The following DOCK1 variants were observed in gnomAD, a reference collection of about 807,000 sequenced individuals.
DOCK1 encodes the protein dedicator of cytokinesis protein 1.
A neutral mutation model predicts 262.7 loss-of-function variants in DOCK1; 138 were observed. The ratio of observed to expected loss-of-function variants is 0.53; its 90% CI spans 0.46 to 0.61. The LOEUF (loss-of-function observed/expected upper bound fraction) is 0.61, where lower values mean the gene tolerates loss of function less well. Ranked by LOEUF, DOCK1 falls within the 20% of genes least tolerant of loss-of-function variation. DOCK1 has a pLI of 0.00. For synonymous variants in DOCK1, 866 were observed against 867.4 expected (o/e 1.00, Z 0.03); for missense variants, 1,908 against 2,370.7 (o/e 0.80, Z 4.05).
chr10:127,394,511 A>G (rs961640149), intron 38 of DOCK1, among the ~76,000 whole-genome samples: 9 of 152,186 alleles, frequency 5.9e-5, no homozygotes, highest in Admixed American at 5.2e-4. Flanking sequence ...CACAGTTGTT[A>G]TTAAGAGGGA....
At chr10:127,280,027 T>TATATATATATAG (rs2135266463) in intron 29 of DOCK1, among the ~76,000 whole-genome samples, 1 of 142,336 alleles carries the variant, frequency 7.0e-6, no homozygotes, top group East Asian at 2.0e-4. Flanking sequence ...TATATATATA[T>TATATATATATAG]ATATATAATT....
At chr10:127,034,253 A>C (rs1352252919) in intron 18 of DOCK1, among the ~76,000 whole-genome samples, 1 of 152,200 alleles carries the variant, frequency 6.6e-6, no homozygotes. Flanking sequence ...GGTGGAAGGC[A>C]AGGAGGAGCA....
intron 27 of DOCK1, among the ~76,000 whole-genome samples, chr10:127,228,642 G>T (rs955277900): frequency 1.3e-5 from 2 of 152,148 alleles, no homozygotes; most frequent in African/African-American, 4.8e-5. Context: ...TTGCATGCTG[G>T]AGCAGAACCT....
rs1177759434 is a variant in DOCK1 at position 127,100,412 on chromosome 10, C to G, written c.2446-5819C>G. 1.3e-5 allele frequency among the ~76,000 whole-genome samples: 2 copies of G among 152,144 alleles called. No individual in the cohort carries two copies. Among genetic ancestry groups the G allele is most frequent in the Non-Finnish European group, 2.9e-5 (2 of 68,026 alleles). On this transcript the variant is annotated intron_variant, in intron 23 of 51. Coordinates refer to ENST00000623213, the MANE Select transcript of DOCK1 (RefSeq NM_001290223.2). The surrounding 1 kb of genome is among the most constrained non-coding windows in gnomAD (Gnocchi z 5.5). ...GCAGCTGGGGCTTGGCGGTGCAGCG[C>G]CTGGCACTGGAATCCCTAGGGAAGG... is the stretch of plus-strand genomic sequence containing the variant.
chr10:126,914,592 C>G (rs1349712210), intron 1 of DOCK1, among the ~76,000 whole-genome samples: 2 of 151,984 alleles, frequency 1.3e-5, no homozygotes, highest in African/African-American at 4.8e-5. Flanking sequence ...GGGAGAGGGT[C>G]TTGTTATGTT....
chr10:127,056,096 G>A (rs2045122437), intron 22 of DOCK1, among the ~76,000 whole-genome samples: 1 of 152,114 alleles, frequency 6.6e-6, no homozygotes, highest in African/African-American at 2.4e-5. Flanking sequence ...AACTTAGTGA[G>A]GCTCCCTAAG....
At chr10:127,160,845 G>A (rs894641996) in intron 27 of DOCK1, among the ~76,000 whole-genome samples, 8 of 152,064 alleles carry the variant, frequency 5.3e-5, no homozygotes, top group African/African-American at 1.4e-4. Context: ...TGCAACAACC[G>A]TTTTTTTCTT....
intron 27 of DOCK1, among the ~76,000 whole-genome samples, chr10:127,179,980 A>C (rs1480758679): frequency 6.6e-6 from 1 of 152,208 alleles, no homozygotes; most frequent in Non-Finnish European, 1.5e-5. Context: ...AAACCGAGGC[A>C]CACGATTTTG....
chr10:126,952,824 ATGG>A (rs1359734735), intron 1 of DOCK1, among the ~76,000 whole-genome samples: 81 of 147,460 alleles, frequency 5.5e-4, no homozygotes, highest in African/African-American at 2.0e-3. Context: ...ATTGTTGGTG[ATGG>A]TGGTGGTGGT....
chr10:127,040,990 T>C (rs1469160116), intron 19 of DOCK1, among the ~76,000 whole-genome samples: 1 of 152,218 alleles, frequency 6.6e-6, no homozygotes, highest in East Asian at 1.9e-4. Flanking sequence ...ATATTTTATG[T>C]AAATTGAATC....
chr10:127,343,766 T>G lies in DOCK1; in HGVS notation c.3224+20T>G. On this transcript the variant is annotated intron_variant, in intron 31 of 51. Coordinates refer to ENST00000623213, the MANE Select transcript of DOCK1 (RefSeq NM_001290223.2). ...TAACAAGTAAGTTCTCATCTAGCTCTGAAACTGCAGGCAGGAGCCTCCAAC... is the reference window on the plus strand; with the variant it reads ...TAACAAGTAAGTTCTCATCTAGCTCGGAAACTGCAGGCAGGAGCCTCCAAC... 1 of 1,569,846 alleles carries G rather than the reference T, an allele frequency of 6.4e-7. No homozygotes were observed. The highest frequency in any genetic ancestry group is 8.7e-7 in the Non-Finnish European group (1 of 1,152,808).
Position 127,411,456 on chromosome 10 carries a change from A to G in DOCK1, c.4428+532A>G, listed in dbSNP as rs916387442. On this transcript the variant is annotated intron_variant, in intron 43 of 51. Coordinates refer to ENST00000623213, the MANE Select transcript of DOCK1 (RefSeq NM_001290223.2). ...GACCGGGTTATTCTCTGTGGTGGGG[A>G]CCATCCAGTGCATCCAGGGATGTTT... Among the ~76,000 whole-genome samples, 13 of 152,194 alleles carry G rather than the reference A, an allele frequency of 8.5e-5. No homozygotes were observed. The East Asian group carries it at 1.7e-3, about 20-fold the overall frequency.
intron 10 of DOCK1, among the ~76,000 whole-genome samples, chr10:127,006,540 A>G (rs1412715601): frequency 1.3e-5 from 2 of 152,166 alleles, no homozygotes; most frequent in African/African-American, 4.8e-5. Context: ...TCCAAACTGC[A>G]GGGAGCACTC....
intron 1 of DOCK1, among the ~76,000 whole-genome samples, chr10:126,916,367 G>A (rs1171427407): frequency 6.6e-6 from 1 of 152,246 alleles, no homozygotes; most frequent in African/African-American, 2.4e-5. Context: ...GAAAAGGACA[G>A]TGTGGCATTG....
intron 1 of DOCK1, among the ~76,000 whole-genome samples, chr10:126,951,451 A>G (rs2036232650): frequency 6.6e-6 from 1 of 150,548 alleles, no homozygotes; most frequent in Non-Finnish European, 1.5e-5. Context: ...TAGTGTTGGT[A>G]GTATTGGTAG....
intron 47 of DOCK1, among the ~76,000 whole-genome samples, chr10:127,430,719 C>T (rs77103612): frequency 2.6e-5 from 4 of 151,744 alleles, no homozygotes; most frequent in East Asian, 1.9e-4. Flanking sequence ...TTCCAGATCA[C>T]GATGAAGTGT....
chr10:127,421,249 G>T (rs964607056), intron 46 of DOCK1, among the ~76,000 whole-genome samples: 1 of 152,056 alleles, frequency 6.6e-6, no homozygotes, highest in Non-Finnish European at 1.5e-5. Context: ...TCCCAGCAGG[G>T]CCTCTTCTTA....
rs146587049 is a variant in DOCK1, at chr10:127,339,733, G to GCGCA, written c.3123+649_3123+650insCGCA. Among the ~76,000 whole-genome samples the GCGCA allele has an allele frequency of 1.6e-4, 18 of 109,336 alleles. No individual in the cohort carries two copies. In the East Asian group the frequency reaches 2.1e-3, roughly 13 times the overall value. The allele number at this position is 109,336 out of a possible 152,430, so 71.7% of individuals were successfully genotyped here. ...TGTGTGTGTGTGTGTGTGTGTGTGT[G>GCGCA]TGCATGCTGTAAGGATTGATTTTGC... On this transcript the variant is annotated intron_variant, in intron 30 of 51. Coordinates refer to ENST00000623213, the MANE Select transcript of DOCK1 (RefSeq NM_001290223.2).
chr10:126,936,796 A>G (rs1366807159), intron 1 of DOCK1, among the ~76,000 whole-genome samples: 5 of 149,722 alleles, frequency 3.3e-5, no homozygotes, highest in Non-Finnish European at 5.9e-5. Flanking sequence ...CAAAACATAC[A>G]TACCATGAAA....
Sources: gnomAD v4.1 joint callset for allele counts (sites outside exome capture counted in the v4.1 genomes callset) on GRCh38, gnomAD v4.1.1 for gene constraint, Gnocchi (gnomAD v3.1) non-coding constraint, MANE v1.5 for transcripts, NCBI Gene and HGNC (gene_info 2026-07-23, HGNC 2026-07-21) for gene names.